The following ATRNL1 variants were observed in gnomAD, a reference collection of about 807,000 sequenced individuals.
ATRNL1 encodes the protein attractin like 1.
Under a neutral mutation model 182.7 loss-of-function variants are expected in ATRNL1, and 95 were observed. That is an observed-to-expected ratio of 0.52 (90% CI 0.44 to 0.62). The LOEUF (loss-of-function observed/expected upper bound fraction) is 0.62. ATRNL1 is among the 20% of genes least tolerant of loss of function. The pLI is 0.00. For synonymous variants in ATRNL1, 576 were observed against 568.3 expected (o/e 1.01, Z -0.19); for missense variants, 1,471 against 1,679.5 (o/e 0.88, Z 2.17).
chr10:115,171,372 C>T (rs782635787), intron 8 of ATRNL1, 80 bp downstream of exon 8: 3 of 1,288,258 alleles, frequency 2.3e-6, no homozygotes, highest in Non-Finnish European at 2.1e-6. Flanking sequence ...TGAATTTAGT[C>T]AAAATGGTGA....
chr10:115,461,313 C>G (rs74673376), intron 21 of ATRNL1, among the ~76,000 whole-genome samples: 3,980 of 152,106 alleles, frequency 0.026, 69 homozygotes, highest in African/African-American at 0.053. Flanking sequence ...CACCTTGGTT[C>G]CAGCATTATG....
intron 26 of ATRNL1, among the ~76,000 whole-genome samples, chr10:115,641,033 T>G (rs1465057024): frequency 6.6e-6 from 1 of 152,168 alleles, no homozygotes; most frequent in African/African-American, 2.4e-5. Context: ...TAGGGAATCC[T>G]TTCCCCATTG....
intron 26 of ATRNL1, among the ~76,000 whole-genome samples, chr10:115,708,866 G>T (rs1237347295): frequency 3.3e-5 from 5 of 151,700 alleles, no homozygotes; most frequent in African/African-American, 1.2e-4. Flanking sequence ...TACAGTTTTG[G>T]TTAATTTTGT....
At chr10:115,269,150 G>A (rs115218582) in intron 13 of ATRNL1, among the ~76,000 whole-genome samples, 1,783 of 152,040 alleles carry the variant, frequency 0.012, 34 homozygotes, top group African/African-American at 0.04. Flanking sequence ...TTGTGGGAGG[G>A]CTGTTCTATA....
chr10:115,245,767 G>C (rs10510009), intron 10 of ATRNL1, among the ~76,000 whole-genome samples: 1,676 of 151,974 alleles, frequency 0.011, 74 homozygotes, highest in East Asian at 0.1. Flanking sequence ...TATTTTATTA[G>C]TTCCTCTCTC....
intron 21 of ATRNL1, among the ~76,000 whole-genome samples, chr10:115,433,729 C>T (rs565262882): frequency 6.6e-6 from 1 of 151,428 alleles, no homozygotes; most frequent in East Asian, 1.9e-4. Flanking sequence ...TTTAAAATAG[C>T]TAAAAGGAAA....
chr10:115,724,005 T>C (rs987066104), intron 26 of ATRNL1, among the ~76,000 whole-genome samples: 1 of 152,088 alleles, frequency 6.6e-6, no homozygotes, highest in Non-Finnish European at 1.5e-5. Flanking sequence ...TTATAATCTA[T>C]TGTATTATGA....
In ATRNL1 at chr10:115,286,318, T is replaced by G; in HGVS notation, c.2336T>G (p.Leu779Arg). 1 of 1,606,298 alleles carries G rather than the reference T, an allele frequency of 6.2e-7. No individual in the cohort carries two copies. The highest frequency in any genetic ancestry group is 1.1e-5 in the South Asian group (1 of 90,646). ...AATGCAAAACTTTATTGCTATAATC[T>G]TAGTGGAAATCTTGCTTCATTAACA... ...YDNAKLYCYN[L>R]SGNLASLTTS... The change falls in exon 15 of 29, where the codon CTT becomes CGT. Residue 779 changes from leucine to arginine, a missense_variant. Around this residue, in one of 3 missense-constraint regions of ATRNL1, gnomAD observed 1,031 missense variants for 1,156.0 expected, o/e 0.89. Coordinates refer to ENST00000355044, the MANE Select transcript of ATRNL1 (RefSeq NM_207303.4).
intron 19 of ATRNL1, among the ~76,000 whole-genome samples, chr10:115,360,972 G>A (rs1457041621): frequency 6.6e-6 from 1 of 151,852 alleles, no homozygotes; most frequent in Non-Finnish European, 1.5e-5. Flanking sequence ...CGTATCAGGA[G>A]CCACATGCTG....
In ATRNL1 at chr10:115,254,784, C is replaced by G. The variant is rs201855953; in HGVS notation, c.1688-10409C>G. ...ATGGTTTTAGGTCTAACATTTAAGT[C>G]TTTAATCCATCTTGAATTAATTTTT... On this transcript the variant is annotated intron_variant, in intron 10 of 28. Coordinates refer to ENST00000355044, the MANE Select transcript of ATRNL1 (RefSeq NM_207303.4). Among the ~76,000 whole-genome samples, 346 of 152,246 alleles carry G rather than the reference C, an allele frequency of 2.3e-3. 9 individuals carry two copies. In the East Asian group the frequency reaches 0.052, roughly 23 times the overall value.
At chr10:115,366,206 A>G (rs1240155519) in intron 19 of ATRNL1, among the ~76,000 whole-genome samples, 7 of 152,114 alleles carry the variant, frequency 4.6e-5, no homozygotes, top group African/African-American at 7.2e-5. Flanking sequence ...GTGCTCCTGT[A>G]TTGGGTGCAT....
chr10:115,386,820 C>G (rs1273969138), intron 19 of ATRNL1, among the ~76,000 whole-genome samples: 3 of 109,862 alleles, frequency 2.7e-5, no homozygotes, highest in South Asian at 4.3e-4. Context: ...CCCCCTCCCC[C>G]CACCCCACAA....
At chr10:115,157,525 A>G (rs1484065444) in intron 5 of ATRNL1, among the ~76,000 whole-genome samples, 2 of 151,874 alleles carry the variant, frequency 1.3e-5, no homozygotes, top group African/African-American at 2.4e-5. Flanking sequence ...ACAGACCTAT[A>G]ACATCCTGGA....
chr10:115,905,354 G>A (rs1325724964), intron 28 of ATRNL1, among the ~76,000 whole-genome samples: 3 of 151,746 alleles, frequency 2.0e-5, no homozygotes, highest in Non-Finnish European at 4.4e-5. Context: ...CCGAGTAGCT[G>A]GGACCATATG....
intron 27 of ATRNL1, among the ~76,000 whole-genome samples, chr10:115,783,046 G>C (rs1163161409): frequency 1.3e-5 from 2 of 152,118 alleles, no homozygotes; most frequent in African/African-American, 4.8e-5. Flanking sequence ...TTAGTGATCT[G>C]GTTGGTATTA....
intron 26 of ATRNL1, among the ~76,000 whole-genome samples, chr10:115,577,929 G>A (rs900309719): frequency 8.6e-5 from 13 of 150,670 alleles, no homozygotes; most frequent in African/African-American, 3.2e-4. Flanking sequence ...ATTTCCTTCT[G>A]TACCTGTTTC....
At chr10:115,311,189 AT>A (rs58808060) in intron 17 of ATRNL1, among the ~76,000 whole-genome samples, 21 of 133,770 alleles carry the variant, frequency 1.6e-4, no homozygotes, top group African/African-American at 3.1e-4. Context: ...TATGATTTAG[AT>A]TTTTTTTTTT....
chr10:115,415,070 G>T (rs1472665837), intron 20 of ATRNL1, among the ~76,000 whole-genome samples: 1 of 151,986 alleles, frequency 6.6e-6, no homozygotes, highest in African/African-American at 2.4e-5. Flanking sequence ...CAATGGGATT[G>T]TTGGGTCGAA....
intron 28 of ATRNL1, among the ~76,000 whole-genome samples, chr10:115,941,389 G>A (rs560095471): frequency 6.6e-6 from 1 of 152,328 alleles, no homozygotes; most frequent in Admixed American, 6.5e-5. Context: ...ATGAAATACA[G>A]CGATACAGTG....
Sources: allele counts gnomAD v4.1 joint callset (sites outside exome capture counted in the v4.1 genomes callset), GRCh38; gene constraint gnomAD v4.1.1; regional missense constraint gnomAD v4.1.1; transcripts MANE v1.5; gene names NCBI Gene and HGNC (gene_info 2026-07-23, HGNC 2026-07-21).